Variants in CTNNA2 observed in about 807,000 individuals in gnomAD.
The protein encoded by CTNNA2 is catenin alpha 2.
In CTNNA2, 42 loss-of-function variants were observed where a neutral mutation model predicts 101.0. That is an observed-to-expected ratio of 0.42 (90% CI 0.32 to 0.54). The LOEUF (loss-of-function observed/expected upper bound fraction) is 0.54, where lower values mean the gene tolerates loss of function less well. CTNNA2 is among the 20% of genes least tolerant of loss of function. The pLI, the probability that CTNNA2 is intolerant of heterozygous loss-of-function variation, is 0.14. For missense variants in CTNNA2, 871 were observed against 1,223.1 expected (o/e 0.71, Z 4.29); for synonymous variants, 450 against 456.4 (o/e 0.99, Z 0.18).
intron 7 of CTNNA2, among the ~76,000 whole-genome samples, chr2:80,107,046 C>T (rs2148853485): frequency 6.6e-6 from 1 of 152,222 alleles, no homozygotes; most frequent in Admixed American, 6.5e-5. Flanking sequence ...TCTGACCATT[C>T]ATCACTCCCA....
At position 80,303,742 on chromosome 2, in the gene CTNNA2, C is replaced by G. The variant is rs137894458; in HGVS notation, c.1057-89469C>G. Reference sequence around the variant, plus strand: ...CGGCGGGCAGCATCTGAAAGCAGGCCCCCAGCAGACACAAGACCACCCCCG... The same window carrying G: ...CGGCGGGCAGCATCTGAAAGCAGGCGCCCAGCAGACACAAGACCACCCCCG... On this transcript the variant is annotated intron_variant, in intron 7 of 18. Transcript: ENST00000402739. The surrounding 1 kb of genome is among the most constrained non-coding windows in gnomAD (Gnocchi z 7.7). 2 of 1,596,560 alleles carry G rather than the reference C, an allele frequency of 1.3e-6. No individual in the cohort carries two copies. The highest frequency in any genetic ancestry group is 1.7e-6 in the Non-Finnish European group (2 of 1,171,854).
chr2:79,511,761 G>T (rs910938865), upstream of CTNNA2, among the ~76,000 whole-genome samples: 1 of 152,088 alleles, frequency 6.6e-6, no homozygotes, highest in African/African-American at 2.4e-5. Flanking sequence ...AACAATTGCA[G>T]ACGCGAACTT....
Position 79,389,886 on chromosome 2 carries a change from T to A in CTNNA2, c.-135+15873T>A, listed in dbSNP as rs984155005. On this transcript the variant is annotated intron_variant, in intron 4 of 21. Coordinates refer to the CTNNA2 transcript ENST00000466387. ...CTTCTATTACTACACAATTATATCA[T>A]CAACTGATAATGATTATGTAAAGTG... Among the ~76,000 whole-genome samples, 22 of 152,198 alleles carry A rather than the reference T, an allele frequency of 1.4e-4. 1 individual carries two copies. The highest frequency in any genetic ancestry group is 5.3e-4 in the African/African-American group (22 of 41,456).
intron 15 of CTNNA2, chr2:80,601,959 A>G (rs1697584174): frequency 6.6e-6 from 1 of 152,106 alleles, no homozygotes; most frequent in African/African-American, 2.4e-5. Flanking sequence ...GTACTAAATT[A>G]TGATTCAGGA....
intron 4 of CTNNA2, among the ~76,000 whole-genome samples, chr2:79,466,453 C>T (rs1670937289): frequency 1.3e-5 from 2 of 152,236 alleles, no homozygotes; most frequent in Non-Finnish European, 2.9e-5. Flanking sequence ...CCTCTGGGGG[C>T]AGGGCATAGC....
chr2:79,565,992 C>G (rs780794926), intron 1 of CTNNA2, among the ~76,000 whole-genome samples: 2 of 151,964 alleles, frequency 1.3e-5, no homozygotes, highest in Non-Finnish European at 2.9e-5. Context: ...CCCGAAAAGA[C>G]AAAATGAAGG....
chr2:79,861,047 T>C (rs566456798), intron 4 of CTNNA2, among the ~76,000 whole-genome samples: 1 of 152,324 alleles, frequency 6.6e-6, no homozygotes, highest in South Asian at 2.1e-4. Flanking sequence ...AGGATTTTTT[T>C]AAATAAACAA....
intron 3 of CTNNA2, 40 bp from the exon 4 acceptor site, chr2:79,857,973 C>G (rs770442594): frequency 2.0e-5 from 32 of 1,591,088 alleles, no homozygotes; most frequent in Non-Finnish European, 2.5e-5. Context: ...GTCTCTAAGC[C>G]TCTTGTCTAC....
chr2:80,513,171 T>C (rs1360637495), intron 9 of CTNNA2, among the ~76,000 whole-genome samples: 1 of 151,994 alleles, frequency 6.6e-6, no homozygotes, highest in Non-Finnish European at 1.5e-5. Flanking sequence ...CAGAGGGGGG[T>C]CCTACACATT....
At chr2:79,573,958 T>A in intron 1 of CTNNA2, 1 of 167,638 alleles carries the variant, frequency 6.0e-6, no homozygotes, top group South Asian at 1.7e-4. Flanking sequence ...TCAAGCAAGA[T>A]TGTCTTGTTC....
At chr2:79,864,230 A>G (rs1681854031) in intron 4 of CTNNA2, among the ~76,000 whole-genome samples, 1 of 152,228 alleles carries the variant, frequency 6.6e-6, no homozygotes, top group Non-Finnish European at 1.5e-5. Flanking sequence ...AAGGGAGATG[A>G]TAGATTCAGG....
intron 1 of CTNNA2, among the ~76,000 whole-genome samples, chr2:79,520,224 T>C (rs1472535393): frequency 1.3e-5 from 2 of 152,220 alleles, no homozygotes; most frequent in African/African-American, 4.8e-5. Context: ...AGATACAGAA[T>C]ATATCTGTTA....
intron 9 of CTNNA2, 140 bp from the exon 10 acceptor site, chr2:80,544,842 A>C (rs1691899871): frequency 1.5e-6 from 1 of 665,226 alleles, no homozygotes; most frequent in Non-Finnish European, 2.5e-6. Context: ...TTGGTTCTAC[A>C]TGAAGGCCAG....
intron 6 of CTNNA2, among the ~76,000 whole-genome samples, chr2:79,903,388 C>A (rs1685204303): frequency 6.6e-6 from 1 of 152,042 alleles, no homozygotes; most frequent in Admixed American, 6.6e-5. Context: ...CAATAAGAAA[C>A]TGTCTAAACC....
intron 7 of CTNNA2, among the ~76,000 whole-genome samples, chr2:79,925,722 C>G (rs1686976723): frequency 6.6e-6 from 1 of 151,964 alleles, no homozygotes; most frequent in African/African-American, 2.4e-5. Flanking sequence ...CTCTTAGTTC[C>G]CTCTGTCCCC....
chr2:79,304,689 A>G (rs1676191798), intron 2 of CTNNA2, among the ~76,000 whole-genome samples: 2 of 152,224 alleles, frequency 1.3e-5, no homozygotes, highest in African/African-American at 2.4e-5. Context: ...TAAGAACTCA[A>G]TAGGTATCTA....
At chr2:79,995,190 A>G (rs1692459600) in intron 7 of CTNNA2, among the ~76,000 whole-genome samples, 1 of 152,212 alleles carries the variant, frequency 6.6e-6, no homozygotes, top group Non-Finnish European at 1.5e-5. Context: ...AGAGGTAGGA[A>G]TAATATTTCA....
At chr2:79,355,560 ACT>A (rs1470471053) in intron 3 of CTNNA2, among the ~76,000 whole-genome samples, 1 of 152,134 alleles carries the variant, frequency 6.6e-6, no homozygotes, top group African/African-American at 2.4e-5. Flanking sequence ...TATTTTCATC[ACT>A]GCCAAAGGAG....
chr2:80,023,521 G>T (rs533932431), intron 7 of CTNNA2, among the ~76,000 whole-genome samples: 1 of 152,200 alleles, frequency 6.6e-6, no homozygotes, highest in East Asian at 1.9e-4. Context: ...TATGAGCTAC[G>T]AAAGACAGAA....
Sources: allele counts gnomAD v4.1 joint callset (sites outside exome capture counted in the v4.1 genomes callset), GRCh38; gene constraint gnomAD v4.1.1; non-coding constraint Gnocchi (gnomAD v3.1); transcripts MANE v1.5; gene names NCBI Gene and HGNC (gene_info 2026-07-23, HGNC 2026-07-21).